MAPRE2: variants seen among roughly 807,000 people sequenced by gnomAD.
MAPRE2 encodes microtubule associated protein RP/EB family member 2.
A neutral mutation model predicts 43.2 loss-of-function variants in MAPRE2; 13 were observed. The observed-to-expected ratio is 0.30, with a 90% CI of 0.20 to 0.48. The LOEUF is 0.48. MAPRE2 is among the 20% of genes least tolerant of loss of function. MAPRE2 has a pLI of 0.99. For synonymous variants in MAPRE2, 135 were observed against 148.8 expected (o/e 0.91, Z 0.68); for missense variants, 161 against 400.2 (o/e 0.40, Z 5.10).
intron 2 of MAPRE2, chr18:35,005,654 A>T (rs2097031522): frequency 3.1e-6 from 2 of 654,550 alleles, no homozygotes. Flanking sequence ...TCAAAATTCC[A>T]GTACACAATT....
intron 4 of MAPRE2, among the ~76,000 whole-genome samples, chr18:35,110,823 C>T (rs1909143272): frequency 6.6e-6 from 1 of 152,112 alleles, no homozygotes; most frequent in Non-Finnish European, 1.5e-5. Context: ...AGTGCATACT[C>T]ATTCTACCCT....
chr18:35,118,730 G>A (rs1251805838), intron 4 of MAPRE2, among the ~76,000 whole-genome samples: 2 of 152,112 alleles, frequency 1.3e-5, no homozygotes, highest in Non-Finnish European at 2.9e-5. Context: ...TTTCCCTTGC[G>A]AGGTCCTTTG....
At position 34,980,023 on chromosome 18, in the gene MAPRE2, C is replaced by CTTTTTTTTTTTTTT. The variant is rs1450524683; in HGVS notation, c.-70+2951_-70+2952insTTTTTTTTTTTTTT. Among the ~76,000 whole-genome samples the CTTTTTTTTTTTTTT allele has an allele frequency of 2.2e-4, 29 of 132,496 alleles. 1 individual carries two copies. Among genetic ancestry groups the CTTTTTTTTTTTTTT allele is most frequent in the African/African-American group, 8.2e-4 (28 of 34,092 alleles). The allele number at this position is 132,496 out of a possible 152,430, so 86.9% of individuals were successfully genotyped here. ...TTTCTTTTCTTTTCTTTTTCTTTTT[C>CTTTTTTTTTTTTTT]TTTTTTTCTTTTTTTTTTTTTTTTT... On this transcript the variant is annotated intron_variant, in intron 1 of 7. Coordinates refer to the MAPRE2 transcript ENST00000413393.
chr18:34,990,109 G>A (rs1373678306), intron 1 of MAPRE2, among the ~76,000 whole-genome samples: 3 of 152,190 alleles, frequency 2.0e-5, no homozygotes, highest in Admixed American at 6.5e-5. Flanking sequence ...ACAATGATTT[G>A]TAGATGAAGA....
chr18:35,075,551 G>A (rs1270927851), intron 2 of MAPRE2, among the ~76,000 whole-genome samples: 1 of 152,146 alleles, frequency 6.6e-6, no homozygotes, highest in Non-Finnish European at 1.5e-5. Flanking sequence ...ACTGTTATTT[G>A]CTGTAAGAAA....
intron 2 of MAPRE2, among the ~76,000 whole-genome samples, chr18:35,093,409 C>T (rs1281319518): frequency 1.3e-5 from 2 of 152,010 alleles, no homozygotes; most frequent in Admixed American, 6.6e-5. Context: ...AGCAATCCCA[C>T]GACTGGATAT....
chr18:35,040,538 C>G (rs186355484), upstream of MAPRE2, among the ~76,000 whole-genome samples: 237 of 152,320 alleles, frequency 1.6e-3, 2 homozygotes, highest in Middle Eastern at 6.8e-3. Flanking sequence ...ATAATAGTAT[C>G]TGTCACATAG....
intron 2 of MAPRE2, among the ~76,000 whole-genome samples, chr18:35,020,799 C>T (rs974613159): frequency 6.6e-6 from 1 of 152,092 alleles, no homozygotes; most frequent in Non-Finnish European, 1.5e-5. Flanking sequence ...GACATAAAAA[C>T]ATGAAGCATT....
chr18:35,048,671 A>C (rs572955417), intron 1 of MAPRE2, among the ~76,000 whole-genome samples: 1 of 149,078 alleles, frequency 6.7e-6, no homozygotes, highest in South Asian at 2.1e-4. Flanking sequence ...TATATGTATT[A>C]ATACTATACG....
chr18:35,040,195 T>A (rs565068688), upstream of MAPRE2, among the ~76,000 whole-genome samples: 1 of 152,146 alleles, frequency 6.6e-6, no homozygotes, highest in African/African-American at 2.4e-5. Context: ...AGAGCGAGAC[T>A]CTGCCTCTAA....
At chr18:35,004,972 T>A (rs1029546256) in intron 1 of MAPRE2, among the ~76,000 whole-genome samples, 2 of 151,858 alleles carry the variant, frequency 1.3e-5, no homozygotes, top group South Asian at 2.1e-4. Flanking sequence ...CTTATTGGTA[T>A]GTACATTTTA....
At chr18:34,994,777 C>T (rs981459881) in intron 1 of MAPRE2, among the ~76,000 whole-genome samples, 2 of 152,098 alleles carry the variant, frequency 1.3e-5, no homozygotes, top group African/African-American at 4.8e-5. Flanking sequence ...AACAGCAGCT[C>T]TTTAAGGAGC....
intron 2 of MAPRE2, among the ~76,000 whole-genome samples, chr18:35,010,234 T>A (rs879440291): frequency 5.3e-5 from 8 of 150,996 alleles, no homozygotes; most frequent in African/African-American, 9.9e-5. Context: ...ACAAAAAAAA[T>A]AAATAAATAA....
intron 1 of MAPRE2, 180 bp downstream of exon 1, chr18:35,041,841 C>T (rs1314351174): frequency 2.8e-6 from 4 of 1,414,846 alleles, no homozygotes; most frequent in East Asian, 5.0e-5. Flanking sequence ...CATTGAGGCT[C>T]CGCGACTGCA....
rs756121791 is a variant in MAPRE2 at position 35,097,583 on chromosome 18, G to A, written c.388G>A (p.Val130Ile). 9 of 1,611,896 alleles carry A rather than the reference G, an allele frequency of 5.6e-6. No homozygotes were observed. The highest frequency in any genetic ancestry group is 1.8e-4 in the Middle Eastern group (1 of 5,650). ...GCAAGCATCATTTAAGCGAATGAAC[G>A]TTGATAAGGTAGGAGACTTGTACCT... ...LLQASFKRMNVDKVIPVEKLV... is the reference protein window; with the variant it reads ...LLQASFKRMNIDKVIPVEKLV... Residue 130 changes from valine to isoleucine, a missense_variant, in exon 3 of 7, where the codon GTT becomes ATT. Around this residue, in one of 2 missense-constraint regions of MAPRE2, gnomAD observed 65 missense variants for 246.9 expected, o/e 0.26. Coordinates refer to ENST00000300249, the MANE Select transcript of MAPRE2 (RefSeq NM_014268.4).
chr18:35,104,429 A>T (rs1023984225), intron 4 of MAPRE2, among the ~76,000 whole-genome samples: 4 of 152,020 alleles, frequency 2.6e-5, no homozygotes, highest in African/African-American at 9.7e-5. Flanking sequence ...TGGAAGGAAG[A>T]TGTTATTTTT....
chr18:35,129,108 C>T (rs1472328291), intron 5 of MAPRE2, among the ~76,000 whole-genome samples: 1 of 152,234 alleles, frequency 6.6e-6, no homozygotes, highest in African/African-American at 2.4e-5. Flanking sequence ...AGGCCTGCCT[C>T]CCCATTTCTG....
intron 1 of MAPRE2, among the ~76,000 whole-genome samples, chr18:35,000,892 A>G (rs114609511): frequency 0.01 from 1,574 of 152,278 alleles, 34 homozygotes; most frequent in African/African-American, 0.036. Context: ...TCCAGTTTTG[A>G]ATACAGAACA....
Position 34,981,805 on chromosome 18 carries a change from C to T in MAPRE2, c.-70+4726C>T, listed in dbSNP as rs78221783. 2.7e-3 allele frequency among the ~76,000 whole-genome samples: 408 copies of T among 152,144 alleles called. 2 individuals carry two copies. Among genetic ancestry groups the T allele is most frequent in the African/African-American group, 8.9e-3 (369 of 41,472 alleles). Reference sequence around the variant, plus strand: ...TACACAAGACTAGTTTGAATTAACTCCTTTCTCCTTAAAAAGTAGAAACTA... The same window carrying T: ...TACACAAGACTAGTTTGAATTAACTTCTTTCTCCTTAAAAAGTAGAAACTA... On this transcript the variant is annotated intron_variant, in intron 1 of 7. Coordinates refer to the MAPRE2 transcript ENST00000413393.
Sources: gnomAD v4.1 joint callset for allele counts (sites outside exome capture counted in the v4.1 genomes callset) on GRCh38, gnomAD v4.1.1 for gene constraint, gnomAD v4.1.1 regional missense constraint, MANE v1.5 for transcripts, NCBI Gene and HGNC (gene_info 2026-07-23, HGNC 2026-07-21) for gene names.